CD200: variants seen among roughly 807,000 people sequenced by gnomAD.
CD200 encodes the protein OX-2 membrane glycoprotein.
A neutral mutation model predicts 30.9 loss-of-function variants in CD200; 15 were observed. That is an observed-to-expected ratio of 0.49 (90% CI 0.32 to 0.75). The LOEUF is 0.75. Among genes scored for constraint, CD200 ranks in the 30% least tolerant of loss-of-function variants. CD200 has a pLI of 0.03. For synonymous variants in CD200, 134 were observed against 126.2 expected, an observed-to-expected ratio of 1.06 and a Z score of -0.41; for missense variants, 262 against 324.2, an observed-to-expected ratio of 0.81 and a Z score of 1.47.
At chr3:112,336,777 A>G (rs2081127742) in intron 1 of CD200, among the ~76,000 whole-genome samples, 1 of 152,138 alleles carries the variant, frequency 6.6e-6, no homozygotes, top group Non-Finnish European at 1.5e-5. Context: ...TTCAGTGGAT[A>G]TTGAGGTTCT....
intron 2 of CD200, among the ~76,000 whole-genome samples, chr3:112,342,301 C>T (rs191366987): frequency 5.8e-5 from 3 of 51,308 alleles, no homozygotes; most frequent in African/African-American, 2.4e-4. Context: ...TTCCTTCCTT[C>T]CTTCCTTTCT....
chr3:112,345,002 A>G lies in CD200; in HGVS notation c.135A>G (p.Thr45=). The change falls in exon 3 of 6, where the codon ACA becomes ACG. Residue 45 remains threonine (T), a synonymous_variant. Transcript: ENST00000315711. ...VTQDEREQLY[T]PASLKCSLQN... ...AGGATGAAAGAGAGCAGCTGTACAC[A>G]CCTGCTTCCTTAAAATGCTCTCTGC... The G allele has an allele frequency of 6.2e-7, 1 of 1,614,100 alleles. No homozygotes were observed. Among genetic ancestry groups the G allele is most frequent in the East Asian group, 2.2e-5 (1 of 44,878 alleles).
At chr3:112,333,803 TTGAGAGAGCTGAAA>T in intron 1 of CD200, 1 of 985,358 alleles carries the variant, frequency 1.0e-6, no homozygotes, top group Non-Finnish European at 1.2e-6. Context: ...GAAGCTACAC[TTGAGAGAGCTGAAA>T]TGCTCTGTGA....
In CD200 at chr3:112,340,955, G is replaced by A. The variant is rs886121634; in HGVS notation, c.66G>A (p.Met22Ile). 5 of 1,612,366 alleles carry A rather than the reference G, an allele frequency of 3.1e-6. No individual in the cohort carries two copies. The highest frequency in any genetic ancestry group is 4.2e-6 in the Non-Finnish European group (5 of 1,178,562). Residue 22 changes from methionine (M) to isoleucine (I), a missense_variant, in exon 2 of 6, where the codon ATG (methionine) becomes ATA (isoleucine). Physicochemically the swap from Met to Ile is conservative, Grantham distance 10 (BLOSUM62 1). Coordinates refer to ENST00000315711, the MANE Select transcript of CD200 (RefSeq NM_005944.7). ...HLSTYSLVWV[M>I]AAVVLCTAQV... The stretch of plus-strand genomic sequence containing the variant: ...CTACCTACAGCCTGGTTTGGGTCAT[G>A]GCAGCAGTGGTGCTGTGCACAGCAC...
At chr3:112,334,958 G>A (rs2081080304) in intron 1 of CD200, among the ~76,000 whole-genome samples, 1 of 152,084 alleles carries the variant, frequency 6.6e-6, no homozygotes, top group African/African-American at 2.4e-5. Flanking sequence ...CTTCATCATG[G>A]CCTCTGGTAG....
intron 5 of CD200, among the ~76,000 whole-genome samples, chr3:112,355,049 A>T (rs1019161957): frequency 1.3e-5 from 2 of 152,216 alleles, no homozygotes; most frequent in African/African-American, 4.8e-5. Flanking sequence ...TCCTTTAGCC[A>T]TGTAAAGTAA....
intron 1 of CD200, chr3:112,335,959 T>C (rs374482918): frequency 5.6e-6 from 9 of 1,611,664 alleles, no homozygotes; most frequent in East Asian, 2.2e-5. Flanking sequence ...ACCAGGACAA[T>C]TGGGGGCCCT....
At chr3:112,347,111 G>T (rs916237132) in intron 3 of CD200, among the ~76,000 whole-genome samples, 3 of 152,140 alleles carry the variant, frequency 2.0e-5, no homozygotes, top group African/African-American at 7.2e-5. Context: ...TTCCAAAACT[G>T]CCCTAGTGCC....
In CD200 at chr3:112,361,524, T is replaced by C; in HGVS notation, c.803-19T>C. The C allele has an allele frequency of 6.3e-7, 1 of 1,591,978 alleles. No homozygotes were observed. Among genetic ancestry groups the C allele is most frequent in the East Asian group, 2.2e-5 (1 of 44,790 alleles). On this transcript the variant is annotated intron_variant, in intron 5 of 5. Transcript: ENST00000315711. ...TTTACAAGTGTCCAAAGTTAATACCTTGTTTTTCTTTTATCCAGAGCCCTA... is the reference window on the plus strand; with the variant it reads ...TTTACAAGTGTCCAAAGTTAATACCCTGTTTTTCTTTTATCCAGAGCCCTA...
chr3:112,335,966 C>G (rs769329547), intron 1 of CD200: 1 of 1,611,924 alleles, frequency 6.2e-7, no homozygotes, highest in East Asian at 2.2e-5. Flanking sequence ...CAATTGGGGG[C>G]CCTCTCCTTA....
intron 2 of CD200, among the ~76,000 whole-genome samples, chr3:112,342,372 T>C (rs867049320): frequency 0.028 from 1,238 of 44,122 alleles, 121 homozygotes; most frequent in East Asian, 0.11. Flanking sequence ...TTTCTTTCTT[T>C]CTTTCTTTCT....
At chr3:112,360,487 T>C (rs897010312) in intron 5 of CD200, among the ~76,000 whole-genome samples, 12 of 152,192 alleles carry the variant, frequency 7.9e-5, no homozygotes, top group African/African-American at 2.2e-4. Flanking sequence ...AATTTGACAG[T>C]AATTTTATAT....
chr3:112,358,142 A>C (rs1576627714), intron 5 of CD200, among the ~76,000 whole-genome samples: 1 of 152,134 alleles, frequency 6.6e-6, no homozygotes, highest in African/African-American at 2.4e-5. Flanking sequence ...TGGACATGCC[A>C]ATTTACATAA....
chr3:112,352,382 C>T (rs1015823800), intron 5 of CD200, among the ~76,000 whole-genome samples: 7 of 152,254 alleles, frequency 4.6e-5, no homozygotes, highest in African/African-American at 1.7e-4. Context: ...TTCATCCTTA[C>T]TTTTCTTTTC....
intron 3 of CD200, 114 bp downstream of exon 3, chr3:112,345,402 G>A (rs1279468979): frequency 2.5e-6 from 2 of 785,324 alleles, no homozygotes; most frequent in East Asian, 5.0e-5. Flanking sequence ...AGGGTCATGA[G>A]AAGATAGCCT....
rs559849702 is a variant in CD200 at position 112,338,569 on chromosome 3, G to A, written c.13-2333G>A. ...GCATGTTTGTAGGTGCTGAGCTGCA[G>A]GTAGTGACAGATGGGGTCATGCTTT... is the stretch of plus-strand genomic sequence containing the variant. On this transcript the variant is annotated intron_variant, in intron 1 of 5. Coordinates refer to ENST00000315711, the MANE Select transcript of CD200 (RefSeq NM_005944.7). Among the ~76,000 whole-genome samples, 3 of 152,284 alleles carry A rather than the reference G, an allele frequency of 2.0e-5. 1 individual carries two copies. In the South Asian group the frequency reaches 6.2e-4, roughly 32 times the overall value.
At chr3:112,353,934 A>G (rs2081582769) in intron 5 of CD200, among the ~76,000 whole-genome samples, 2 of 152,188 alleles carry the variant, frequency 1.3e-5, no homozygotes, top group Admixed American at 6.5e-5. Flanking sequence ...GCGATAAAGA[A>G]TCTTCATTGA....
chr3:112,349,959 A>T, intron 5 of CD200, 140 bp downstream of exon 5: 2 of 1,334,944 alleles, frequency 1.5e-6, no homozygotes, highest in Non-Finnish European at 9.6e-7. Context: ...AGAAATGTTG[A>T]TACTGTTTTA....
rs139578511 is a variant in CD200, at chr3:112,347,975, C to A, written c.694+145C>A. The A allele has an allele frequency of 8.5e-4, 620 of 730,440 alleles. 2 individuals are homozygous for A. In the East Asian group the frequency reaches 1.0e-2, roughly 12 times the overall value. 45.2% of individuals were successfully genotyped at this position (730,440 alleles called of 1,614,324 possible). A position where few individuals can be genotyped will look rare whatever the true frequency, so the allele number is the denominator to read the frequency against. The stretch of plus-strand genomic sequence containing the variant: ...CAAATAAGGAAAAAACAAAACAAAA[C>A]AAAAAAATTGAAGAAACAAATAAAG... On this transcript the variant is annotated intron_variant, in intron 4 of 5. Transcript: ENST00000315711.
Sources: allele counts gnomAD v4.1 joint callset (sites outside exome capture counted in the v4.1 genomes callset), GRCh38; gene constraint gnomAD v4.1.1; transcripts MANE v1.5; gene names NCBI Gene and HGNC (gene_info 2026-07-23, HGNC 2026-07-21).